Variants in DACH1 observed in about 807,000 individuals in gnomAD.
DACH1 encodes dachshund homolog 1.
Under a neutral mutation model 54.2 loss-of-function variants are expected in DACH1, and 12 were observed. The observed-to-expected ratio is 0.22, with a 90% confidence interval of 0.14 to 0.36. DACH1 has a LOEUF of 0.36. Ranked by LOEUF, DACH1 falls within the 10% of genes least tolerant of loss-of-function variation. DACH1 has a pLI of 1.00. For missense variants in DACH1, 805 were observed against 929.8 expected (o/e 0.87, Z 1.75); for synonymous variants, 386 against 366.2 (o/e 1.05, Z -0.62).
intron 6 of DACH1, among the ~76,000 whole-genome samples, chr13:71,537,747 T>C (rs1411154247): frequency 6.6e-6 from 1 of 152,158 alleles, no homozygotes; most frequent in East Asian, 1.9e-4. Context: ...GTCTTCTCCA[T>C]TAAAAATTGT....
intron 1 of DACH1, among the ~76,000 whole-genome samples, chr13:71,824,329 G>A (rs1015252181): frequency 4.0e-5 from 6 of 151,614 alleles, no homozygotes; most frequent in East Asian, 1.9e-4. Flanking sequence ...AATAAAATAA[G>A]GCAACATATG....
Position 71,866,985 on chromosome 13 carries a change from G to A in DACH1, c.-216C>T. The A allele has an allele frequency of 6.7e-6, 2 of 299,672 alleles. 1 individual carries two copies. The highest frequency in any genetic ancestry group is 1.2e-5 in the Non-Finnish European group (2 of 167,480). The allele number at this position is 299,672 out of a possible 1,614,324, so 18.6% of individuals were successfully genotyped here. On this transcript the variant is annotated 5_prime_UTR_variant, in exon 1 of 11. Transcript: ENST00000613252. ...AGGGGCGAGCACGAGAGGCGCTCTGGAGAGGAACGCACAAAAGTGTCCCGC... is the reference window on the plus strand; with the variant it reads ...AGGGGCGAGCACGAGAGGCGCTCTGAAGAGGAACGCACAAAAGTGTCCCGC...
chr13:71,557,446 A>G (rs1054584427), intron 5 of DACH1, among the ~76,000 whole-genome samples: 1 of 152,172 alleles, frequency 6.6e-6, no homozygotes, highest in African/African-American at 2.4e-5. Context: ...AAAATATAAG[A>G]ATAATATAGT....
At chr13:71,799,577 A>G (rs1036918593) in intron 1 of DACH1, among the ~76,000 whole-genome samples, 3 of 152,150 alleles carry the variant, frequency 2.0e-5, no homozygotes, top group African/African-American at 7.2e-5. Context: ...CGAGACAGAT[A>G]GCACATACCG....
At chr13:71,592,660 T>C (rs1314878547) in intron 3 of DACH1, among the ~76,000 whole-genome samples, 1 of 151,924 alleles carries the variant, frequency 6.6e-6, no homozygotes, top group Non-Finnish European at 1.5e-5. Flanking sequence ...TACCGAAAAA[T>C]AGCTAATACA....
chr13:71,805,166 T>C (rs1887444974), intron 1 of DACH1, among the ~76,000 whole-genome samples: 1 of 152,188 alleles, frequency 6.6e-6, no homozygotes, highest in Admixed American at 6.6e-5. Flanking sequence ...GATAGCTAGA[T>C]TGTAAAGAGT....
intron 1 of DACH1, among the ~76,000 whole-genome samples, chr13:71,833,693 T>C (rs551064757): frequency 6.6e-6 from 1 of 152,078 alleles, no homozygotes; most frequent in Non-Finnish European, 1.5e-5. Context: ...CTTTTATAAC[T>C]AAGAGCAGTG....
At chr13:71,740,999 G>A (rs988688219) in intron 1 of DACH1, among the ~76,000 whole-genome samples, 1 of 152,020 alleles carries the variant, frequency 6.6e-6, no homozygotes, top group Non-Finnish European at 1.5e-5. Flanking sequence ...ACATGAAATG[G>A]CCCACATCAG....
intron 3 of DACH1, among the ~76,000 whole-genome samples, chr13:71,591,516 A>G (rs77710293): frequency 3.9e-5 from 6 of 152,196 alleles, no homozygotes; most frequent in Non-Finnish European, 7.3e-5. Flanking sequence ...ACTCTTTACT[A>G]AATGGCTTGA....
At chr13:71,498,609 A>T (rs991331593) in intron 6 of DACH1, among the ~76,000 whole-genome samples, 1 of 151,818 alleles carries the variant, frequency 6.6e-6, no homozygotes, top group Admixed American at 6.6e-5. Context: ...CTTATTTAGA[A>T]AAAAGAAGAG....
intron 2 of DACH1, among the ~76,000 whole-genome samples, chr13:71,633,002 A>T (rs926213911): frequency 6.6e-6 from 1 of 152,102 alleles, no homozygotes; most frequent in Non-Finnish European, 1.5e-5. Context: ...TTTGTCACCA[A>T]TGTGAACATC....
chr13:71,700,085 G>A (rs1882037759), intron 1 of DACH1, among the ~76,000 whole-genome samples: 1 of 152,030 alleles, frequency 6.6e-6, no homozygotes, highest in Non-Finnish European at 1.5e-5. Context: ...AAGTGTGTGT[G>A]CGTGCATGCA....
intron 7 of DACH1, 76 bp from the exon 8 acceptor site, chr13:71,479,392 A>C: frequency 6.9e-7 from 1 of 1,450,020 alleles, no homozygotes; most frequent in Non-Finnish European, 9.4e-7. Context: ...AAGCATTTTC[A>C]AAGCAAAGAA....
intron 1 of DACH1, among the ~76,000 whole-genome samples, chr13:71,722,022 C>T (rs1883251124): frequency 6.6e-6 from 1 of 152,050 alleles, no homozygotes; most frequent in Admixed American, 6.5e-5. Flanking sequence ...ATTATTTTTA[C>T]TCCAGTATAT....
chr13:71,657,471 A>G (rs531202440), intron 2 of DACH1, among the ~76,000 whole-genome samples: 19 of 151,682 alleles, frequency 1.3e-4, no homozygotes, highest in Admixed American at 2.0e-4. Flanking sequence ...ACTGCACTCC[A>G]GTCTGGGTGA....
In DACH1 at chr13:71,543,346, T is replaced by G. The variant is rs137935058; in HGVS notation, c.1570+13678A>C. Reference sequence around the variant, plus strand: ...ATCCAGTGTTTTTCGTAAAATCAAGTTGAATCCTAGTAAGGATGATATGAA... The same window carrying G: ...ATCCAGTGTTTTTCGTAAAATCAAGGTGAATCCTAGTAAGGATGATATGAA... On this transcript the variant is annotated intron_variant, in intron 6 of 10. Coordinates refer to ENST00000613252, the MANE Select transcript of DACH1 (RefSeq NM_080759.6). 5.6e-3 allele frequency among the ~76,000 whole-genome samples: 857 copies of G among 152,226 alleles called. 10 individuals are homozygous for G. Among genetic ancestry groups the G allele is most frequent in the African/African-American group, 0.019 (771 of 41,564 alleles).
At chr13:71,523,337 T>A (rs1255359162) in intron 6 of DACH1, among the ~76,000 whole-genome samples, 6 of 152,162 alleles carry the variant, frequency 3.9e-5, no homozygotes, top group Non-Finnish European at 7.4e-5. Flanking sequence ...TTGGCAGTGA[T>A]AAATCACCCT....
At chr13:71,674,103 T>G (rs1208474180) in intron 2 of DACH1, among the ~76,000 whole-genome samples, 1 of 152,200 alleles carries the variant, frequency 6.6e-6, no homozygotes, top group Non-Finnish European at 1.5e-5. Context: ...AATATTTAGT[T>G]TGAATATCTG....
chr13:71,440,508 T>TTG lies in DACH1; in HGVS notation c.*146_*147insCA. On this transcript the variant is annotated 3_prime_UTR_variant, in exon 11 of 11. Transcript: ENST00000613252. ...ATGGAGAAAACTTTTTTTTTTTTTGTAGAATACTTAAACTTTTAAAGAACA... is the reference window on the plus strand; with the variant it reads ...ATGGAGAAAACTTTTTTTTTTTTTGTTGAGAATACTTAAACTTTTAAAGAACA... The TTG allele has an allele frequency of 1.7e-6, 1 of 584,654 alleles. No individual in the cohort carries two copies. The allele number at this position is 584,654 out of a possible 1,614,324, so 36.2% of individuals were successfully genotyped here.
Sources: gnomAD v4.1 joint callset for allele counts (sites outside exome capture counted in the v4.1 genomes callset) on GRCh38, gnomAD v4.1.1 for gene constraint, MANE v1.5 for transcripts, NCBI Gene and HGNC (gene_info 2026-07-23, HGNC 2026-07-21) for gene names.